COL13A1: variants seen among roughly 807,000 people sequenced by gnomAD.
COL13A1 encodes the protein collagen type XIII alpha 1 chain, also known as collagen alpha-1(XIII) chain.
Under a neutral mutation model 130.9 loss-of-function variants are expected in COL13A1, and 89 were observed. The ratio of observed to expected loss-of-function variants is 0.68; its 90% CI spans 0.57 to 0.81. COL13A1 has a LOEUF of 0.81. Among genes scored for constraint, COL13A1 ranks in the 30% least tolerant of loss-of-function variants. The pLI, the probability that COL13A1 is intolerant of heterozygous loss-of-function variation, is 0.00. For missense variants in COL13A1, 879 were observed against 934.6 expected (o/e 0.94, Z 0.78); for synonymous variants, 402 against 341.6 (o/e 1.18, Z -1.95).
At chr10:69,829,051 A>G (rs1007636603) in intron 2 of COL13A1, among the ~76,000 whole-genome samples, 2 of 152,112 alleles carry the variant, frequency 1.3e-5, no homozygotes, top group South Asian at 2.1e-4. Flanking sequence ...ACGGCACACA[A>G]TGAAAGCCAG....
chr10:69,881,258 A>G (rs528342228), intron 7 of COL13A1, among the ~76,000 whole-genome samples: 2 of 152,298 alleles, frequency 1.3e-5, no homozygotes, highest in African/African-American at 4.8e-5. Flanking sequence ...GGATGGTCTA[A>G]CACAGCCCTC....
intron 35 of COL13A1, among the ~76,000 whole-genome samples, chr10:69,943,501 G>C (rs555601378): frequency 6.6e-6 from 1 of 152,230 alleles, no homozygotes; most frequent in East Asian, 1.9e-4. Flanking sequence ...CGGGCTAGCA[G>C]AGCTCATGAC....
intron 1 of COL13A1, among the ~76,000 whole-genome samples, chr10:69,810,753 G>T (rs1589155915): frequency 6.6e-6 from 1 of 152,202 alleles, no homozygotes; most frequent in Non-Finnish European, 1.5e-5. Context: ...GGTGGATGGG[G>T]TCACCAGCTG....
At chr10:69,944,220 G>C (rs2068097915) in intron 36 of COL13A1, 42 bp downstream of exon 36, 1 of 1,568,584 alleles carries the variant, frequency 6.4e-7, no homozygotes, top group South Asian at 1.1e-5. Flanking sequence ...CCAGGAGGGA[G>C]AGGCATGCCT....
In COL13A1 at chr10:69,823,058, A is replaced by G. The variant is rs1289045469; in HGVS notation, c.364+620A>G. ...CAAAAATCTGCTTTCGCCACTTACT[A>G]GCTCTGTATGGGTGGAGCCCTGACC... On this transcript the variant is annotated intron_variant, in intron 2 of 40. Transcript: ENST00000645393. 3.3e-5 allele frequency among the ~76,000 whole-genome samples: 5 copies of G among 152,350 alleles called. No homozygotes were observed. The East Asian group carries it at 9.6e-4, about 29-fold the overall frequency.
chr10:69,958,527 G>A (rs960565024), intron 40 of COL13A1, among the ~76,000 whole-genome samples, 172 bp from the exon 41 acceptor site: 1 of 152,204 alleles, frequency 6.6e-6, no homozygotes, highest in South Asian at 2.1e-4. Flanking sequence ...TCCCTTCAGG[G>A]AGCTAAGGTC....
At chr10:69,803,356 T>A (rs1056332760) in intron 1 of COL13A1, among the ~76,000 whole-genome samples, 7 of 152,250 alleles carry the variant, frequency 4.6e-5, no homozygotes, top group Non-Finnish European at 1.0e-4. Flanking sequence ...TTTCTTCCAT[T>A]CTCCAAATTT....
chr10:69,813,103 A>G (rs752610462), intron 1 of COL13A1, among the ~76,000 whole-genome samples: 39 of 152,358 alleles, frequency 2.6e-4, no homozygotes, highest in Admixed American at 9.1e-4. Flanking sequence ...ATTAACCCCT[A>G]GAACATTGTA....
chr10:69,883,164 C>T (rs1050579832), intron 7 of COL13A1, among the ~76,000 whole-genome samples: 2 of 152,178 alleles, frequency 1.3e-5, no homozygotes, highest in African/African-American at 4.8e-5. Context: ...GGAGGGTTCA[C>T]TTTCTAATGA....
chr10:69,826,540 C>T (rs1227769), intron 2 of COL13A1, among the ~76,000 whole-genome samples: 91,491 of 152,018 alleles, frequency 0.6, 28,069 homozygotes, highest in South Asian at 0.74. Context: ...AGCTGCCTTC[C>T]GGGTCAGTGT....
intron 14 of COL13A1, among the ~76,000 whole-genome samples, chr10:69,900,261 CT>C (rs1295095763): frequency 1.3e-5 from 2 of 152,178 alleles, no homozygotes; most frequent in Non-Finnish European, 2.9e-5. Flanking sequence ...ATCAGCTGTT[CT>C]TTTTTGAGCC....
intron 7 of COL13A1, 99 bp from the exon 8 acceptor site, chr10:69,887,357 A>T: frequency 7.8e-7 from 1 of 1,275,910 alleles, no homozygotes; most frequent in Non-Finnish European, 1.1e-6. Flanking sequence ...CGATCACACA[A>T]AGTGAGAGGG....
Position 69,958,933 on chromosome 10 carries a change from G to A in COL13A1, c.*232G>A. ...CATTTTTTGTTTGGTCGTAATGTCT[G>A]CATGATATTTGTGCACATTTATTAA... On this transcript the variant is annotated 3_prime_UTR_variant, in exon 41 of 41. Coordinates refer to ENST00000645393, the MANE Select transcript of COL13A1 (RefSeq NM_001368882.1). The A allele has an allele frequency of 1.8e-6, 1 of 549,634 alleles. No homozygotes were observed. The highest frequency in any genetic ancestry group is 1.9e-5 in the African/African-American group (1 of 52,028). 34.0% of individuals were successfully genotyped at this position (549,634 alleles called of 1,614,324 possible).
chr10:69,873,051 A>G (rs527673905), intron 4 of COL13A1, among the ~76,000 whole-genome samples: 6 of 152,260 alleles, frequency 3.9e-5, no homozygotes, highest in African/African-American at 1.4e-4. Context: ...TATGTGTACC[A>G]TGGGCCCTCA....
intron 1 of COL13A1, among the ~76,000 whole-genome samples, chr10:69,806,733 G>A (rs2004075): frequency 0.17 from 25,349 of 152,250 alleles, 2,351 homozygotes; most frequent in Non-Finnish European, 0.22. Flanking sequence ...TGGGCCGGGT[G>A]CAGTGGCTCA....
intron 13 of COL13A1, among the ~76,000 whole-genome samples, chr10:69,897,862 C>T (rs1333842748): frequency 2.0e-5 from 3 of 152,228 alleles, no homozygotes; most frequent in South Asian, 2.1e-4. Flanking sequence ...CCTAAAGCCA[C>T]GGGTTGCTCA....
intron 4 of COL13A1, among the ~76,000 whole-genome samples, chr10:69,872,875 G>A (rs1383509201): frequency 6.6e-6 from 1 of 152,214 alleles, no homozygotes; most frequent in Non-Finnish European, 1.5e-5. Flanking sequence ...CCAAGCTTCA[G>A]GTGGGGACCT....
At chr10:69,895,272 C>T (rs762578472) in intron 12 of COL13A1, among the ~76,000 whole-genome samples, 83 of 152,202 alleles carry the variant, frequency 5.5e-4, no homozygotes, top group Non-Finnish European at 9.1e-4. Flanking sequence ...GCATAACTCC[C>T]GACTCTGCCA....
intron 7 of COL13A1, 97 bp downstream of exon 7, chr10:69,880,650 G>C (rs2060042103): frequency 3.8e-6 from 5 of 1,303,924 alleles, no homozygotes; most frequent in Non-Finnish European, 5.4e-6. Context: ...GAGGGCGGCT[G>C]TGCCCCTGGG....
Sources: allele counts gnomAD v4.1 joint callset (sites outside exome capture counted in the v4.1 genomes callset), GRCh38; gene constraint gnomAD v4.1.1; transcripts MANE v1.5; gene names NCBI Gene and HGNC (gene_info 2026-07-23, HGNC 2026-07-21).